The following DNAH14 variants were observed in gnomAD, a reference collection of about 807,000 sequenced individuals.
DNAH14 encodes the protein axonemal beta dynein heavy chain 14.
A neutral mutation model predicts 520.9 loss-of-function variants in DNAH14; 478 were observed. The ratio of observed to expected loss-of-function variants is 0.92; its 90% CI spans 0.85 to 0.99. DNAH14 has a LOEUF of 0.99. DNAH14 is among the 50% of genes least tolerant of loss of function. The pLI is 0.00. For synonymous variants in DNAH14, 1,581 were observed against 1,757.2 expected (o/e 0.90, Z 2.51); for missense variants, 4,831 against 5,234.5 (o/e 0.92, Z 2.38).
At chr1:225,219,827 G>A (rs6693785) in intron 41 of DNAH14, among the ~76,000 whole-genome samples, 23,466 of 152,006 alleles carry the variant, frequency 0.15, 2,134 homozygotes, top group East Asian at 0.36. Context: ...CATCATCCTG[G>A]TACCAAAACC....
Position 224,955,117 on chromosome 1 carries a change from A to G in DNAH14, c.217+19A>G, listed in dbSNP as rs373178379. The G allele has an allele frequency of 3.8e-6, 6 of 1,598,798 alleles. No homozygotes were observed. Among genetic ancestry groups the G allele is most frequent in the Non-Finnish European group, 5.1e-6 (6 of 1,174,842 alleles). The stretch of plus-strand genomic sequence containing the variant: ...ACAGAAGGTATTTATCAAGATTACT[A>G]TTCTGGCATGTTGATTTATATTTTA... On this transcript the variant is annotated intron_variant, in intron 3 of 85. Coordinates refer to ENST00000682510, the MANE Select transcript of DNAH14 (RefSeq NM_001367479.1).
intron 78 of DNAH14, 27 bp downstream of exon 78, chr1:225,374,912 T>A: frequency 6.7e-7 from 1 of 1,499,622 alleles, no homozygotes; most frequent in Non-Finnish European, 9.0e-7. Context: ...TCTTCTTGCA[T>A]TTCTCGATAA....
chr1:225,057,307 G>A (rs112712849), intron 17 of DNAH14, among the ~76,000 whole-genome samples: 3 of 152,320 alleles, frequency 2.0e-5, no homozygotes, highest in African/African-American at 2.4e-5. Context: ...GTGAATGGAA[G>A]TTCGCTCATG....
At chr1:225,179,218 G>T (rs2083687943) in intron 36 of DNAH14, among the ~76,000 whole-genome samples, 1 of 152,046 alleles carries the variant, frequency 6.6e-6, no homozygotes, top group Non-Finnish European at 1.5e-5. Flanking sequence ...TACATTTGAG[G>T]TTATTATTGA....
At position 225,173,376 on chromosome 1, in the gene DNAH14, T is replaced by C. The variant is rs565001746; in HGVS notation, c.5535+5348T>C. ...ATCTACTCATCTGACAAAGGGCTAA[T>C]ATCCAGAATCTACAAAGAACTCAAA... On this transcript the variant is annotated intron_variant, in intron 36 of 85. Transcript: ENST00000682510. Among the ~76,000 whole-genome samples the C allele has an allele frequency of 5.3e-5, 8 of 152,272 alleles. No individual in the cohort carries two copies. The South Asian group carries it at 1.7e-3, about 32-fold the overall frequency.
At chr1:225,292,322 T>C (rs1383644313) in intron 55 of DNAH14, among the ~76,000 whole-genome samples, 10 of 152,138 alleles carry the variant, frequency 6.6e-5, no homozygotes, top group Admixed American at 6.6e-4. Context: ...TATATATGGA[T>C]ATTCAACTTT....
rs549336597 is a variant in DNAH14, at chr1:225,195,998, A to AATTT, written c.5886+3112_5886+3115dup. On this transcript the variant is annotated intron_variant, in intron 38 of 85. Coordinates refer to ENST00000682510, the MANE Select transcript of DNAH14 (RefSeq NM_001367479.1). Reference sequence around the variant, plus strand: ...AACCCACAGTCTCACATTTTTAAGAAATTTATTTATTTATTTATTTATTTA... The same window carrying AATTT: ...AACCCACAGTCTCACATTTTTAAGAAATTTATTTATTTATTTATTTATTTATTTA... Among the ~76,000 whole-genome samples the AATTT allele has an allele frequency of 1.7e-3, 263 of 151,600 alleles. 2 individuals are homozygous for AATTT. The highest frequency in any genetic ancestry group is 4.0e-3 in the South Asian group (19 of 4,804).
At chr1:225,175,320 A>C (rs2083191428) in intron 36 of DNAH14, among the ~76,000 whole-genome samples, 1 of 152,082 alleles carries the variant, frequency 6.6e-6, no homozygotes, top group African/African-American at 2.4e-5. Context: ...ACTCTTTATT[A>C]CTCATTATTG....
At position 225,381,376 on chromosome 1, in the gene DNAH14, A is replaced by G; in HGVS notation, c.12881-7A>G. The G allele has an allele frequency of 6.6e-7, 1 of 1,525,068 alleles. No homozygotes were observed. The allele number at this position is 1,525,068 out of a possible 1,614,324, so 94.5% of individuals were successfully genotyped here. A position where few individuals can be genotyped will look rare whatever the true frequency, so the allele number is the denominator to read the frequency against. The stretch of plus-strand genomic sequence containing the variant: ...ATATCAAAATTTTATTTCTTTTTAA[A>G]ATCCAGATCACGACCCCCTTATCCA... On this transcript the variant is annotated splice_region_variant and splice_polypyrimidine_tract_variant and intron_variant, in intron 80 of 85. Coordinates refer to ENST00000682510, the MANE Select transcript of DNAH14 (RefSeq NM_001367479.1).
At chr1:225,322,081 C>CTTTTTTTTTTTT (rs2094565139) in intron 61 of DNAH14, among the ~76,000 whole-genome samples, 2 of 100,476 alleles carry the variant, frequency 2.0e-5, no homozygotes, top group African/African-American at 7.8e-5. Context: ...CTTTTTTTTT[C>CTTTTTTTTTTTT]TTTCTTTTTT....
chr1:225,173,575 A>C (rs2149245635), intron 36 of DNAH14, among the ~76,000 whole-genome samples: 1 of 152,348 alleles, frequency 6.6e-6, no homozygotes, highest in Middle Eastern at 3.4e-3. Flanking sequence ...ATTTCACACC[A>C]GTTAGAATGG....
intron 35 of DNAH14, among the ~76,000 whole-genome samples, chr1:225,163,137 C>CAATA: frequency 1.9e-5 from 1 of 53,682 alleles, no homozygotes; most frequent in South Asian, 8.3e-4. Flanking sequence ...GACCCTATCT[C>CAATA]AAAAAAAAAA....
chr1:225,075,723 C>T (rs2072186409), intron 17 of DNAH14, among the ~76,000 whole-genome samples: 1 of 152,154 alleles, frequency 6.6e-6, no homozygotes, highest in South Asian at 2.1e-4. Context: ...TCAGTCAGTT[C>T]ATACAACTCT....
chr1:224,932,972 A>G (rs1278790627), intron 1 of DNAH14, among the ~76,000 whole-genome samples: 3 of 151,976 alleles, frequency 2.0e-5, no homozygotes, highest in Non-Finnish European at 4.4e-5. Context: ...GAAGAATGAT[A>G]TTGGTATTTT....
intron 20 of DNAH14, 49 bp downstream of exon 20, chr1:225,082,788 C>T: frequency 2.8e-6 from 4 of 1,450,740 alleles, no homozygotes; most frequent in Non-Finnish European, 3.7e-6. Context: ...ACCAGATGGG[C>T]CAATTTTAAA....
At chr1:225,004,565 G>A (rs1170678512) in intron 9 of DNAH14, among the ~76,000 whole-genome samples, 1 of 152,194 alleles carries the variant, frequency 6.6e-6, no homozygotes, top group East Asian at 1.9e-4. Context: ...GAATAACACA[G>A]TAGGGGAAAA....
At chr1:225,001,448 T>C (rs2063765348) in intron 8 of DNAH14, among the ~76,000 whole-genome samples, 1 of 152,184 alleles carries the variant, frequency 6.6e-6, no homozygotes, top group Non-Finnish European at 1.5e-5. Context: ...ATGTATTTTG[T>C]TTTCTTTTGT....
intron 31 of DNAH14, among the ~76,000 whole-genome samples, chr1:225,150,516 C>A (rs771315750): frequency 6.6e-6 from 1 of 152,008 alleles, no homozygotes; most frequent in Non-Finnish European, 1.5e-5. Context: ...GGCTGTGAAT[C>A]TGTTCGATCC....
At chr1:225,098,907 A>G (rs1395031442) in intron 22 of DNAH14, among the ~76,000 whole-genome samples, 1 of 152,208 alleles carries the variant, frequency 6.6e-6, no homozygotes, top group Non-Finnish European at 1.5e-5. Flanking sequence ...TCTAAAGAAA[A>G]GAAAAAGTGG....
Sources: allele counts gnomAD v4.1 joint callset (sites outside exome capture counted in the v4.1 genomes callset), GRCh38; gene constraint gnomAD v4.1.1; transcripts MANE v1.5; gene names NCBI Gene and HGNC (gene_info 2026-07-23, HGNC 2026-07-21).